TRIM6: variants seen among roughly 807,000 people sequenced by gnomAD.
The protein encoded by TRIM6 is tripartite motif-containing protein 6.
TRIM6 carries 43 observed loss-of-function variants against 51.2 expected under a neutral mutation model. That is an observed-to-expected ratio of 0.84 (90% CI 0.66 to 1.08). TRIM6 has a LOEUF of 1.08. Among genes scored for constraint, TRIM6 ranks in the 50% least tolerant of loss-of-function variants. TRIM6 has a pLI of 0.00. For missense variants in TRIM6, 669 were observed against 619.0 expected, an observed-to-expected ratio of 1.08 and a Z score of -0.86; for synonymous variants, 215 against 232.4, an observed-to-expected ratio of 0.93 and a Z score of 0.68.
intron 1 of TRIM6, among the ~76,000 whole-genome samples, chr11:5,598,569 C>A (rs1263142125): frequency 6.6e-6 from 1 of 152,078 alleles, no homozygotes; most frequent in Non-Finnish European, 1.5e-5. Flanking sequence ...ATGCAAAATA[C>A]AATTAGGACA....
In TRIM6 at chr11:5,603,293, G is replaced by T. The variant is rs1330437029; in HGVS notation, c.65G>T (p.Gly22Val). 1 of 1,613,960 alleles carries T rather than the reference G, an allele frequency of 6.2e-7. No homozygotes were observed. The highest frequency in any genetic ancestry group is 8.5e-7 in the Non-Finnish European group (1 of 1,180,010). The change falls in exon 2 of 8, where the codon GGA (glycine) becomes GTA (valine). Residue 22 changes from glycine (G) to valine (V), a missense_variant. Transcript: ENST00000380097. The part of the protein sequence containing the change: ...NILEIRVGQA[G>V]ARRVATMTSP... ...TTAGAAATCAGGGTTGGGCAGGCAG[G>T]AGCCAGGAGAGTAGCTACAATGACT...
chr11:5,596,689 C>A lies in TRIM6; in HGVS notation c.-209C>A, dbSNP rs116176358. The A allele has an allele frequency of 2.8e-6, 2 of 707,396 alleles. No homozygotes were observed. The highest frequency in any genetic ancestry group is 2.9e-5 in the Admixed American group (1 of 34,276). 43.8% of individuals were successfully genotyped at this position (707,396 alleles called of 1,614,324 possible). Reference sequence around the variant, plus strand: ...CAAACTCCTGACCTGTGGGTCCGTCCGTTCAACGGCCAAAGGCTGGCGGAG... The same window carrying A: ...CAAACTCCTGACCTGTGGGTCCGTCAGTTCAACGGCCAAAGGCTGGCGGAG... On this transcript the variant is annotated 5_prime_UTR_variant, in exon 1 of 8. Transcript: ENST00000380097.
chr11:5,596,330 G>A (rs1221913626), upstream of TRIM6: 2 of 154,972 alleles, frequency 1.3e-5, no homozygotes. Flanking sequence ...CTCAAGTTTG[G>A]GAAGGGAGCA....
chr11:5,605,550 A>G lies in TRIM6; in HGVS notation c.817A>G (p.Thr273Ala), dbSNP rs1296559731. Residue 273 changes from threonine to alanine, a missense_variant, in exon 4 of 8, where the codon ACA (threonine) becomes GCA (alanine). By Grantham distance (58) the Thr-to-Ala change is moderately conservative. Coordinates refer to ENST00000380097, the MANE Select transcript of TRIM6 (RefSeq NM_001003818.3). ...TCTGGAGCGTCGATGTCAGGGGTCA[A>G]CAATGGAGCTGCTGCAGGTAAGGCT... Reference protein sequence around the residue: ...SDLERRCQGSTMELLQDVSDV... With the variant: ...SDLERRCQGSAMELLQDVSDV... 12 of 1,613,804 alleles carry G rather than the reference A, an allele frequency of 7.4e-6. No homozygotes were observed. The highest frequency in any genetic ancestry group is 3.3e-4 in the Middle Eastern group (2 of 6,084).
intron 5 of TRIM6, among the ~76,000 whole-genome samples, chr11:5,609,099 T>C (rs2133860543): frequency 6.6e-6 from 1 of 152,208 alleles, no homozygotes; most frequent in South Asian, 2.1e-4. Flanking sequence ...ACCCGAGCTC[T>C]GGAGGATAAT....
intron 1 of TRIM6, among the ~76,000 whole-genome samples, chr11:5,598,926 A>G (rs950104666): frequency 1.2e-4 from 18 of 152,082 alleles, no homozygotes; most frequent in African/African-American, 3.9e-4. Flanking sequence ...CCCTTTATGT[A>G]TTCACCCTTC....
chr11:5,605,897 T>C (rs1385141650), intron 4 of TRIM6, among the ~76,000 whole-genome samples: 1 of 152,222 alleles, frequency 6.6e-6, no homozygotes, highest in Non-Finnish European at 1.5e-5. Context: ...TGGATAATTC[T>C]TTGCTGCGTG....
Position 5,610,896 on chromosome 11 carries a change from G to A in TRIM6, c.1105G>A (p.Asp369Asn), listed in dbSNP as rs779455964. Residue 369 changes from aspartate to asparagine, a missense_variant, in exon 8 of 8, where the codon GAC (aspartate) becomes AAC (asparagine). Transcript: ENST00000380097. ...ACCTTCCTGTCTGGAAAAGCATTAT[G>A]ACTGTAGTGTCCTGGGCTCCCAGCA... ...SGPSCLEKHY[D>N]CSVLGSQHFS... 2.5e-6 allele frequency: 4 copies of A among 1,614,060 alleles called. No individual in the cohort carries two copies. Among genetic ancestry groups the A allele is most frequent in the Non-Finnish European group, 3.4e-6 (4 of 1,180,044 alleles).
intron 3 of TRIM6, 35 bp from the exon 4 acceptor site, chr11:5,605,302 G>A (rs767700781): frequency 5.8e-5 from 93 of 1,612,736 alleles, no homozygotes; most frequent in Non-Finnish European, 7.5e-5. Context: ...CAGTGTGACC[G>A]ACTAGCAGCC....
chr11:5,603,000 G>T (rs1405686725), intron 1 of TRIM6, among the ~76,000 whole-genome samples: 4 of 152,088 alleles, frequency 2.6e-5, no homozygotes, highest in Non-Finnish European at 5.9e-5. Flanking sequence ...ACTCACACAG[G>T]CCCCTCCTTT....
chr11:5,603,748 G>A lies in TRIM6; in HGVS notation c.507+13G>A. The A allele has an allele frequency of 6.2e-7, 1 of 1,611,694 alleles. No homozygotes were observed. The highest frequency in any genetic ancestry group is 1.1e-5 in the South Asian group (1 of 90,866). ...CCAGGAGTACCAGGTGAGACCCCAG[G>A]ATGGAATGGGAGACAGAGAAACAGG... is the stretch of plus-strand genomic sequence containing the variant. On this transcript the variant is annotated intron_variant, in intron 2 of 7. Coordinates refer to ENST00000380097, the MANE Select transcript of TRIM6 (RefSeq NM_001003818.3).
At chr11:5,606,191 T>G (rs1334516281) in intron 4 of TRIM6, among the ~76,000 whole-genome samples, 2 of 152,224 alleles carry the variant, frequency 1.3e-5, no homozygotes, top group Admixed American at 1.3e-4. Context: ...CAGCCCTTCT[T>G]TGTTTTCACT....
At chr11:5,597,179 G>A (rs1409242366) in intron 1 of TRIM6, among the ~76,000 whole-genome samples, 2 of 152,142 alleles carry the variant, frequency 1.3e-5, no homozygotes, top group Admixed American at 6.5e-5. Context: ...CTGTGTGCCC[G>A]AAGACTGTTA....
intron 1 of TRIM6, among the ~76,000 whole-genome samples, chr11:5,601,577 G>A (rs867661472): frequency 6.6e-5 from 10 of 152,200 alleles, no homozygotes; most frequent in African/African-American, 2.4e-4. Context: ...GGCCAACATG[G>A]TAAAACCCTG....
At chr11:5,597,029 T>G in intron 1 of TRIM6, 115 bp downstream of exon 1, 1 of 1,554,780 alleles carries the variant, frequency 6.4e-7, no homozygotes, top group South Asian at 1.2e-5. Flanking sequence ...TTATTTCTTT[T>G]TCTTTCTCAC....
chr11:5,596,750 C>T lies in TRIM6; in HGVS notation c.-148C>T. The T allele has an allele frequency of 8.0e-7, 1 of 1,244,340 alleles. No homozygotes were observed. The highest frequency in any genetic ancestry group is 1.2e-6 in the Non-Finnish European group (1 of 862,668). The allele number at this position is 1,244,340 out of a possible 1,614,324, so 77.1% of individuals were successfully genotyped here. On this transcript the variant is annotated 5_prime_UTR_variant, in exon 1 of 8. Transcript: ENST00000380097. ...CTGCCTTTCTCGGAACGGAACGGAG[C>T]AGAGTCGTGCGTGGTTGAGTTTAGA...
chr11:5,600,800 G>T (rs1194858513), intron 1 of TRIM6, among the ~76,000 whole-genome samples: 1 of 152,122 alleles, frequency 6.6e-6, no homozygotes, highest in Non-Finnish European at 1.5e-5. Flanking sequence ...AGAACAGCGA[G>T]GTCACGCCTG....
chr11:5,604,749 T>G (rs2133840305), intron 3 of TRIM6, 120 bp downstream of exon 3: 2 of 1,053,762 alleles, frequency 1.9e-6, no homozygotes, highest in African/African-American at 1.6e-5. Context: ...AGAGCTTCCC[T>G]TTGCCTGGTC....
In TRIM6 at chr11:5,611,724, A is replaced by ACTG; in HGVS notation, c.*382_*383insCTG. 1 of 210,148 alleles carries ACTG rather than the reference A, an allele frequency of 4.8e-6. No individual in the cohort carries two copies. Among genetic ancestry groups the ACTG allele is most frequent in the Non-Finnish European group, 9.6e-6 (1 of 103,742 alleles). The allele number at this position is 210,148 out of a possible 1,614,324, so 13.0% of individuals were successfully genotyped here. Reference sequence around the variant, plus strand: ...CGCCTCGGTCTCCCAAAGTGCTGGGATTACAGATGTGAGCCGCCGCGCCCA... The same window carrying ACTG: ...CGCCTCGGTCTCCCAAAGTGCTGGGACTGTTACAGATGTGAGCCGCCGCGCCCA... On this transcript the variant is annotated 3_prime_UTR_variant, in exon 8 of 8. Transcript: ENST00000380097.
Sources: gnomAD v4.1 joint callset for allele counts (sites outside exome capture counted in the v4.1 genomes callset) on GRCh38, gnomAD v4.1.1 for gene constraint, MANE v1.5 for transcripts, NCBI Gene and HGNC (gene_info 2026-07-23, HGNC 2026-07-21) for gene names.